ELMO1: variants seen among roughly 807,000 people sequenced by gnomAD.
The protein encoded by ELMO1 is engulfment and cell motility 1, also known as engulfment and cell motility protein 1.
A neutral mutation model predicts 98.9 loss-of-function variants in ELMO1; 26 were observed. The observed-to-expected ratio is 0.26, with a 90% CI of 0.19 to 0.36. The LOEUF (loss-of-function observed/expected upper bound fraction) is 0.36, where lower values mean the gene tolerates loss of function less well. Among genes scored for constraint, ELMO1 ranks in the 10% least tolerant of loss-of-function variants. The pLI is 1.00. For synonymous variants in ELMO1, 346 were observed against 346.0 expected (o/e 1.00, Z 0.00); for missense variants, 627 against 935.2 (o/e 0.67, Z 4.30).
At chr7:37,416,515 C>A (rs1804221027) in intron 1 of ELMO1, among the ~76,000 whole-genome samples, 1 of 152,180 alleles carries the variant, frequency 6.6e-6, no homozygotes, top group Admixed American at 6.5e-5. Context: ...CATGCACACG[C>A]ACAGACCACA....
intron 7 of ELMO1, among the ~76,000 whole-genome samples, chr7:37,237,094 T>C (rs1008167933): frequency 6.6e-6 from 1 of 152,228 alleles, no homozygotes; most frequent in Admixed American, 6.5e-5. Flanking sequence ...GGAAAGCCAC[T>C]GTCACAGCCA....
chr7:36,858,282 G>A (rs1170911436), intron 21 of ELMO1, among the ~76,000 whole-genome samples: 1 of 152,102 alleles, frequency 6.6e-6, no homozygotes, highest in Non-Finnish European at 1.5e-5. Flanking sequence ...ACCTCTAATG[G>A]TTCCAAGGAT....
chr7:37,077,726 C>A (rs1280149064), intron 15 of ELMO1, among the ~76,000 whole-genome samples: 1 of 152,172 alleles, frequency 6.6e-6, no homozygotes, highest in Admixed American at 6.5e-5. Context: ...CAGGCGCCAA[C>A]AACGGGGTAA....
intron 15 of ELMO1, among the ~76,000 whole-genome samples, chr7:37,057,829 T>C (rs1562972896): frequency 6.6e-6 from 1 of 152,196 alleles, no homozygotes; most frequent in African/African-American, 2.4e-5. Flanking sequence ...GAGTTAATGA[T>C]CTCTATTTTC....
intron 15 of ELMO1, among the ~76,000 whole-genome samples, chr7:37,095,818 C>T (rs1315566754): frequency 6.6e-6 from 1 of 152,116 alleles, no homozygotes; most frequent in Non-Finnish European, 1.5e-5. Context: ...ACCAAACACC[C>T]CAACATTTTT....
At chr7:37,216,790 A>C in intron 10 of ELMO1, 95 bp from the exon 11 acceptor site, 1 of 1,204,330 alleles carries the variant, frequency 8.3e-7, no homozygotes. Context: ...GTGCTTCGTA[A>C]CTGTATATCA....
chr7:37,216,147 T>TC (rs1317938350), intron 11 of ELMO1, among the ~76,000 whole-genome samples: 6 of 149,114 alleles, frequency 4.0e-5, no homozygotes, highest in Non-Finnish European at 8.9e-5. Context: ...TTTTTTTTTT[T>TC]CCACCAAGGT....
chr7:36,973,875 G>A (rs544544666), intron 16 of ELMO1, among the ~76,000 whole-genome samples: 1 of 152,362 alleles, frequency 6.6e-6, no homozygotes, highest in African/African-American at 2.4e-5. Flanking sequence ...GAGGGGCTTA[G>A]CACCCGGGCC....
chr7:37,164,813 C>A (rs1404029269), intron 13 of ELMO1, among the ~76,000 whole-genome samples: 1 of 150,102 alleles, frequency 6.7e-6, no homozygotes, highest in South Asian at 2.2e-4. Flanking sequence ...ATTGACTTGG[C>A]AATGCGGGCT....
At chr7:37,280,057 A>T (rs1049433333) in intron 4 of ELMO1, among the ~76,000 whole-genome samples, 6 of 152,236 alleles carry the variant, frequency 3.9e-5, no homozygotes, top group Non-Finnish European at 8.8e-5. Context: ...AAATACTTAT[A>T]ACCAACTGAT....
intron 13 of ELMO1, among the ~76,000 whole-genome samples, chr7:37,150,176 C>A (rs921001666): frequency 2.0e-5 from 3 of 152,110 alleles, no homozygotes; most frequent in Non-Finnish European, 4.4e-5. Context: ...GGGATCTGAG[C>A]CATGGCTGGT....
chr7:36,913,411 T>G (rs1160166455), intron 16 of ELMO1, among the ~76,000 whole-genome samples: 1 of 152,060 alleles, frequency 6.6e-6, no homozygotes, highest in Admixed American at 6.5e-5. Flanking sequence ...AGAGGCAAAA[T>G]TTGGAGGTGA....
intron 15 of ELMO1, among the ~76,000 whole-genome samples, chr7:37,093,248 T>C (rs1467475724): frequency 6.6e-6 from 1 of 152,178 alleles, no homozygotes; most frequent in Non-Finnish European, 1.5e-5. Flanking sequence ...TGAACATTAA[T>C]ATGTTTGCTT....
intron 17 of ELMO1, among the ~76,000 whole-genome samples, chr7:36,888,191 AC>A (rs1465401244): frequency 2.0e-5 from 3 of 152,252 alleles, no homozygotes; most frequent in African/African-American, 7.2e-5. Context: ...AATGGGGACA[AC>A]AACACTGTCC....
At chr7:37,432,175 C>G (rs1273727656) in intron 1 of ELMO1, among the ~76,000 whole-genome samples, 3 of 152,350 alleles carry the variant, frequency 2.0e-5, no homozygotes, top group Admixed American at 6.5e-5. Flanking sequence ...GCCACCGCAC[C>G]TGGCCTGATC....
At chr7:37,016,445 CCA>C (rs1793936236) in intron 15 of ELMO1, among the ~76,000 whole-genome samples, 1 of 152,062 alleles carries the variant, frequency 6.6e-6, no homozygotes. Flanking sequence ...CGTCTGAAAC[CCA>C]CAGTCAGCTG....
At chr7:37,142,217 G>A (rs991559068) in intron 13 of ELMO1, among the ~76,000 whole-genome samples, 1 of 152,148 alleles carries the variant, frequency 6.6e-6, no homozygotes, top group Non-Finnish European at 1.5e-5. Context: ...AAAGTAACTT[G>A]CCATTAAATA....
intron 13 of ELMO1, among the ~76,000 whole-genome samples, chr7:37,143,050 G>T (rs934797939): frequency 6.6e-6 from 1 of 152,146 alleles, no homozygotes; most frequent in Admixed American, 6.5e-5. Context: ...GAGTTTTAGG[G>T]TTCCTTTAAA....
intron 15 of ELMO1, among the ~76,000 whole-genome samples, chr7:37,055,387 T>C (rs1796340297): frequency 6.6e-6 from 1 of 152,188 alleles, no homozygotes; most frequent in Non-Finnish European, 1.5e-5. Flanking sequence ...CAATTAAGAC[T>C]ACAGCAGGAG....
Sources: allele counts gnomAD v4.1 joint callset (sites outside exome capture counted in the v4.1 genomes callset), GRCh38; gene constraint gnomAD v4.1.1; transcripts MANE v1.5; gene names NCBI Gene and HGNC (gene_info 2026-07-23, HGNC 2026-07-21).